The following GABRG3 variants were observed in gnomAD, a reference collection of about 807,000 sequenced individuals.
GABRG3 encodes gamma-aminobutyric acid receptor subunit gamma-3.
In GABRG3, 25 loss-of-function variants were observed where a neutral mutation model predicts 48.8. The ratio of observed to expected loss-of-function variants is 0.51; its 90% CI spans 0.37 to 0.72. The LOEUF (loss-of-function observed/expected upper bound fraction) is 0.72, where lower values mean the gene tolerates loss of function less well. Among genes scored for constraint, GABRG3 ranks in the 30% least tolerant of loss-of-function variants. The pLI, the probability that GABRG3 is intolerant of heterozygous loss-of-function variation, is 0.00. For synonymous variants in GABRG3, 227 were observed against 217.6 expected (o/e 1.04, Z -0.38); for missense variants, 394 against 577.9 (o/e 0.68, Z 3.26).
chr15:27,004,502 G>T (rs549534569), intron 2 of GABRG3, among the ~76,000 whole-genome samples: 2 of 151,480 alleles, frequency 1.3e-5, no homozygotes, highest in Non-Finnish European at 2.9e-5. Flanking sequence ...CATCCCAGAC[G>T]ATGGGCGGTC....
At chr15:27,494,083 G>A (rs1371482043) in intron 6 of GABRG3, among the ~76,000 whole-genome samples, 1 of 151,830 alleles carries the variant, frequency 6.6e-6, no homozygotes, top group East Asian at 1.9e-4. Flanking sequence ...AATATTGTGG[G>A]TTGCATTGAT....
intron 3 of GABRG3, among the ~76,000 whole-genome samples, chr15:27,154,761 A>G (rs1239100234): frequency 1.3e-5 from 2 of 152,164 alleles, no homozygotes; most frequent in Admixed American, 1.3e-4. Context: ...GTTTATGCAC[A>G]TATATTCATG....
In GABRG3 at chr15:27,180,633, ATG is replaced by A. The variant is rs1425916287; in HGVS notation, c.271-146168_271-146167del. On this transcript the variant is annotated intron_variant, in intron 3 of 9. Coordinates refer to ENST00000615808, the MANE Select transcript of GABRG3 (RefSeq NM_033223.5). This position sits in a 1 kb window ranked among gnomAD's most constrained non-coding sequence, Gnocchi z 4.2. ...CTAAGGTGAACTTACACATTGTGCC[ATG>A]TGTGTGTCTGTCTGTGTGTGTTTGT... Among the ~76,000 whole-genome samples the A allele has an allele frequency of 6.9e-6, 1 of 145,666 alleles. No homozygotes were observed. Among genetic ancestry groups the A allele is most frequent in the African/African-American group, 2.5e-5 (1 of 40,540 alleles).
intron 3 of GABRG3, among the ~76,000 whole-genome samples, chr15:27,193,047 G>C (rs1040284218): frequency 6.6e-6 from 1 of 152,160 alleles, no homozygotes; most frequent in African/African-American, 2.4e-5. Flanking sequence ...CGTGAACCGC[G>C]AATGCTGCTG....
chr15:27,461,105 C>CA (rs1174698483), intron 5 of GABRG3, among the ~76,000 whole-genome samples: 1 of 152,170 alleles, frequency 6.6e-6, no homozygotes, highest in Non-Finnish European at 1.5e-5. Flanking sequence ...ACTCCCTCCT[C>CA]ACCACTCAGG....
rs116591001 is a variant in GABRG3, at chr15:27,514,694, A to G, written c.713-5278A>G. Among the ~76,000 whole-genome samples the G allele has an allele frequency of 5.2e-3, 791 of 152,356 alleles. 5 individuals are homozygous for G. The highest frequency in any genetic ancestry group is 0.018 in the African/African-American group (733 of 41,584). On this transcript the variant is annotated intron_variant, in intron 6 of 9. Coordinates refer to ENST00000615808, the MANE Select transcript of GABRG3 (RefSeq NM_033223.5). ...CTCACGAGGAAGGAACAATACAACT[A>G]TATGACTAACTGGGGTCACTTTAGG...
intron 5 of GABRG3, among the ~76,000 whole-genome samples, chr15:27,410,846 G>A (rs202179953): frequency 0.02 from 32 of 1,598 alleles, no homozygotes; most frequent in East Asian, 0.17. Flanking sequence ...GCGCACGCTC[G>A]TGTGTGTGTG....
chr15:27,496,023 C>T (rs1343397989), intron 6 of GABRG3, among the ~76,000 whole-genome samples: 2 of 152,150 alleles, frequency 1.3e-5, no homozygotes, highest in Non-Finnish European at 2.9e-5. Flanking sequence ...TCCAGGTTAC[C>T]TACTTGGCCT....
chr15:27,209,247 C>T (rs147059930), intron 3 of GABRG3, among the ~76,000 whole-genome samples: 178 of 152,340 alleles, frequency 1.2e-3, no homozygotes, highest in African/African-American at 4.2e-3. Flanking sequence ...CCAGGCCAAA[C>T]GAAGAGTGGT....
intron 3 of GABRG3, among the ~76,000 whole-genome samples, chr15:27,283,510 A>G (rs1374481783): frequency 1.3e-5 from 2 of 152,214 alleles, no homozygotes; most frequent in Non-Finnish European, 2.9e-5. Context: ...AGGCTGAGGC[A>G]GGAGAATCAC....
At chr15:27,010,920 A>G (rs958853977) in intron 2 of GABRG3, among the ~76,000 whole-genome samples, 6 of 152,056 alleles carry the variant, frequency 3.9e-5, no homozygotes, top group Non-Finnish European at 8.8e-5. Context: ...ATCTTGGCTC[A>G]CTACAAGCTC....
At chr15:27,244,597 T>TA (rs1890220716) in intron 3 of GABRG3, among the ~76,000 whole-genome samples, 1 of 152,196 alleles carries the variant, frequency 6.6e-6, no homozygotes. Flanking sequence ...ATCATTTGAA[T>TA]AAAAATCCCT....
chr15:27,346,962 T>C (rs182601797), intron 5 of GABRG3, among the ~76,000 whole-genome samples: 2 of 152,016 alleles, frequency 1.3e-5, no homozygotes, highest in Admixed American at 6.6e-5. Flanking sequence ...TCTCTTTACA[T>C]TGATTTTTGT....
chr15:27,121,288 C>T (rs975401621), intron 3 of GABRG3, among the ~76,000 whole-genome samples: 3 of 152,166 alleles, frequency 2.0e-5, no homozygotes, highest in Admixed American at 6.5e-5. Context: ...GAGATGTTCA[C>T]GGTTGCTGTA....
chr15:27,227,733 A>G (rs1889670099), intron 3 of GABRG3, among the ~76,000 whole-genome samples: 1 of 152,056 alleles, frequency 6.6e-6, no homozygotes, highest in African/African-American at 2.4e-5. Context: ...TATCTACAAA[A>G]TTTAATTACT....
intron 5 of GABRG3, among the ~76,000 whole-genome samples, chr15:27,435,156 A>G (rs1888572650): frequency 6.6e-6 from 1 of 150,956 alleles, no homozygotes; most frequent in Non-Finnish European, 1.5e-5. Flanking sequence ...CCTATATAAC[A>G]GATCAGTGTC....
chr15:27,341,437 C>T (rs965158240), intron 5 of GABRG3, among the ~76,000 whole-genome samples: 3 of 152,156 alleles, frequency 2.0e-5, no homozygotes, highest in African/African-American at 7.2e-5. Flanking sequence ...GTCAGGGAAG[C>T]CCTGGGTCAG....
At chr15:27,391,647 A>G (rs572750476) in intron 5 of GABRG3, among the ~76,000 whole-genome samples, 1 of 152,212 alleles carries the variant, frequency 6.6e-6, no homozygotes, top group African/African-American at 2.4e-5. Flanking sequence ...TTAAAAACTC[A>G]CCTGATTTCA....
At chr15:27,350,821 A>G (rs1341096176) in intron 5 of GABRG3, among the ~76,000 whole-genome samples, 1 of 152,154 alleles carries the variant, frequency 6.6e-6, no homozygotes, top group Non-Finnish European at 1.5e-5. Context: ...TGGGCTGACA[A>G]AGGGTCTCCA....
Sources: allele counts gnomAD v4.1 joint callset (sites outside exome capture counted in the v4.1 genomes callset), GRCh38; gene constraint gnomAD v4.1.1; non-coding constraint Gnocchi (gnomAD v3.1); transcripts MANE v1.5; gene names NCBI Gene and HGNC (gene_info 2026-07-23, HGNC 2026-07-21).